The following CHCHD3 variants were observed in gnomAD, a reference collection of about 807,000 sequenced individuals.
CHCHD3 encodes the protein coiled-coil-helix-coiled-coil-helix domain containing 3.
CHCHD3 carries 20 observed loss-of-function variants against 38.2 expected under a neutral mutation model. The ratio of observed to expected loss-of-function variants is 0.52; its 90% CI spans 0.37 to 0.76. The LOEUF is 0.76. Ranked by LOEUF, CHCHD3 falls within the 30% of genes least tolerant of loss-of-function variation. The probability of loss-of-function intolerance (pLI) is 0.00; values close to 1 mark genes in which losing one functional copy is unlikely to be tolerated. For synonymous variants in CHCHD3, 82 were observed against 100.0 expected (o/e 0.82, Z 1.07); for missense variants, 245 against 279.2 (o/e 0.88, Z 0.87).
At chr7:132,800,014 C>T (rs138440212) in intron 6 of CHCHD3, among the ~76,000 whole-genome samples, 9 of 152,236 alleles carry the variant, frequency 5.9e-5, no homozygotes, top group African/African-American at 1.9e-4. Flanking sequence ...AAAAGAAGCA[C>T]TTCTGGTAGA....
At chr7:133,031,129 C>G (rs1237308232) in intron 2 of CHCHD3, among the ~76,000 whole-genome samples, 1 of 152,032 alleles carries the variant, frequency 6.6e-6, no homozygotes, top group Admixed American at 6.6e-5. Flanking sequence ...TATACTTGAT[C>G]CTGAGTATTC....
chr7:132,958,004 T>C (rs1181249574), intron 4 of CHCHD3, among the ~76,000 whole-genome samples: 2 of 152,142 alleles, frequency 1.3e-5, no homozygotes, highest in Non-Finnish European at 2.9e-5. Flanking sequence ...TAAAATAAAA[T>C]AAAATCTGGC....
At chr7:132,897,348 T>C (rs1212259887) in intron 4 of CHCHD3, among the ~76,000 whole-genome samples, 2 of 152,076 alleles carry the variant, frequency 1.3e-5, no homozygotes, top group African/African-American at 4.8e-5. Context: ...GAATTCCTTT[T>C]CTTTGTACTA....
chr7:132,926,479 G>A (rs1810381054), intron 4 of CHCHD3, among the ~76,000 whole-genome samples: 1 of 152,194 alleles, frequency 6.6e-6, no homozygotes, highest in African/African-American at 2.4e-5. Context: ...CCTGTTGGGT[G>A]TGGACGAGAC....
intron 7 of CHCHD3, among the ~76,000 whole-genome samples, chr7:132,787,521 G>C (rs1469951057): frequency 6.6e-6 from 1 of 151,896 alleles, no homozygotes; most frequent in South Asian, 2.1e-4. Flanking sequence ...GGAAGGAGGA[G>C]GATGACTTAA....
intron 5 of CHCHD3, among the ~76,000 whole-genome samples, chr7:132,858,211 C>T (rs1808393322): frequency 1.3e-5 from 2 of 151,996 alleles, no homozygotes; most frequent in Non-Finnish European, 2.9e-5. Flanking sequence ...TACAGGCACA[C>T]TCCACCACGC....
chr7:132,916,890 A>G (rs1281265581), intron 4 of CHCHD3, among the ~76,000 whole-genome samples: 1 of 152,184 alleles, frequency 6.6e-6, no homozygotes, highest in East Asian at 1.9e-4. Context: ...TACTATCCCT[A>G]ATTTATAAAT....
chr7:133,013,982 G>GAAA (rs1812954428), intron 3 of CHCHD3, among the ~76,000 whole-genome samples: 1 of 152,254 alleles, frequency 6.6e-6, no homozygotes, highest in African/African-American at 2.4e-5. Flanking sequence ...AAGAATTGCA[G>GAAA]AAACTCTGTT....
At chr7:133,075,015 G>C (rs1310692267) in intron 1 of CHCHD3, among the ~76,000 whole-genome samples, 2 of 152,144 alleles carry the variant, frequency 1.3e-5, no homozygotes, top group Non-Finnish European at 2.9e-5. Context: ...ATGAGGACCA[G>C]GCCTGCAGCT....
rs1432895872 is a variant in CHCHD3 at position 133,035,048 on chromosome 7, A to G, written c.170-10421T>C. The G allele has an allele frequency of 2.5e-6, 4 of 1,613,630 alleles. No individual in the cohort carries two copies. Among genetic ancestry groups the G allele is most frequent in the Non-Finnish European group, 3.4e-6 (4 of 1,179,716 alleles). ...CATTGGAGTACTTGCGCTTAAATTCATCCAACACAAAGGTACTCTTGGGCA... is the reference window on the plus strand; with the variant it reads ...CATTGGAGTACTTGCGCTTAAATTCGTCCAACACAAAGGTACTCTTGGGCA... On this transcript the variant is annotated intron_variant, in intron 2 of 7. Transcript: ENST00000262570. This position sits in a 1 kb window ranked among gnomAD's most constrained non-coding sequence, Gnocchi z 4.7.
Position 132,854,768 on chromosome 7 carries a change from A to T in CHCHD3, c.454-16299T>A, listed in dbSNP as rs184135508. ...GGACCTGAATTAGATTTTTTTTTTT[A>T]AATTTAGTTATGTGATTCCACTGCT... On this transcript the variant is annotated intron_variant, in intron 5 of 7. Coordinates refer to ENST00000262570, the MANE Select transcript of CHCHD3 (RefSeq NM_017812.4). 3.7e-3 allele frequency among the ~76,000 whole-genome samples: 554 copies of T among 151,476 alleles called. 3 individuals are homozygous for T. Among genetic ancestry groups the T allele is most frequent in the African/African-American group, 0.012 (493 of 41,362 alleles).
At chr7:132,993,154 G>C (rs1812327744) in intron 3 of CHCHD3, among the ~76,000 whole-genome samples, 1 of 152,134 alleles carries the variant, frequency 6.6e-6, no homozygotes, top group South Asian at 2.1e-4. Flanking sequence ...AATTTTAGCT[G>C]TCTATGACTA....
intron 5 of CHCHD3, among the ~76,000 whole-genome samples, chr7:132,840,973 A>G (rs1482323740): frequency 2.0e-5 from 3 of 152,126 alleles, no homozygotes; most frequent in Non-Finnish European, 4.4e-5. Context: ...TTGAAAACTT[A>G]GCACATAGTT....
At chr7:133,050,428 C>T (rs1814128220) in intron 2 of CHCHD3, among the ~76,000 whole-genome samples, 1 of 141,082 alleles carries the variant, frequency 7.1e-6, no homozygotes, top group South Asian at 2.2e-4. Context: ...GACAGTAGAG[C>T]ACACTTTTTA....
intron 2 of CHCHD3, 79 bp downstream of exon 2, chr7:133,070,063 A>T (rs1814774336): frequency 1.0e-6 from 1 of 969,514 alleles, no homozygotes. Context: ...ACAGAATGCT[A>T]GAGAACTTGA....
intron 3 of CHCHD3, among the ~76,000 whole-genome samples, chr7:133,018,820 A>G (rs895155327): frequency 6.6e-6 from 1 of 151,580 alleles, no homozygotes; most frequent in African/African-American, 2.4e-5. Context: ...TCAACTGAAC[A>G]AATACTTGTG....
chr7:132,997,065 T>C (rs76757251), intron 3 of CHCHD3, among the ~76,000 whole-genome samples: 1 of 152,234 alleles, frequency 6.6e-6, no homozygotes, highest in Non-Finnish European at 1.5e-5. Flanking sequence ...ATATTAGTCA[T>C]TGACATAGTG....
At chr7:132,853,179 C>T (rs547569311) in intron 5 of CHCHD3, among the ~76,000 whole-genome samples, 2 of 152,266 alleles carry the variant, frequency 1.3e-5, no homozygotes, top group Admixed American at 6.5e-5. Flanking sequence ...GAAACAACTC[C>T]GACTGACCGC....
intron 5 of CHCHD3, among the ~76,000 whole-genome samples, chr7:132,865,303 C>T (rs892091998): frequency 6.6e-6 from 1 of 152,188 alleles, no homozygotes; most frequent in Non-Finnish European, 1.5e-5. Flanking sequence ...ATAACAAAGG[C>T]TTTTCCTGTT....
Sources: allele counts gnomAD v4.1 joint callset (sites outside exome capture counted in the v4.1 genomes callset), GRCh38; gene constraint gnomAD v4.1.1; non-coding constraint Gnocchi (gnomAD v3.1); transcripts MANE v1.5; gene names NCBI Gene and HGNC (gene_info 2026-07-23, HGNC 2026-07-21).